CDYL2: variants seen among roughly 807,000 people sequenced by gnomAD.
The protein encoded by CDYL2 is chromodomain Y like 2, also known as chromodomain Y-like protein 2.
CDYL2 carries 23 observed loss-of-function variants against 49.4 expected under a neutral mutation model. The observed-to-expected ratio is 0.47, with a 90% CI of 0.34 to 0.66. The LOEUF (loss-of-function observed/expected upper bound fraction) is 0.66. Ranked by LOEUF, CDYL2 falls within the 30% of genes least tolerant of loss-of-function variation. The probability of loss-of-function intolerance (pLI) is 0.01; values close to 1 mark genes in which losing one functional copy is unlikely to be tolerated. For synonymous variants in CDYL2, 360 were observed against 268.8 expected (o/e 1.34, Z -3.32); for missense variants, 678 against 656.4 (o/e 1.03, Z -0.36).
chr16:80,669,823 G>A (rs1909425091), intron 2 of CDYL2, among the ~76,000 whole-genome samples: 1 of 152,196 alleles, frequency 6.6e-6, no homozygotes, highest in Non-Finnish European at 1.5e-5. Flanking sequence ...CTGCACACAT[G>A]GGCTGTGGTG....
intron 1 of CDYL2, among the ~76,000 whole-genome samples, chr16:80,708,774 G>A (rs1489878332): frequency 2.0e-5 from 3 of 152,060 alleles, no homozygotes; most frequent in Non-Finnish European, 4.4e-5. Flanking sequence ...CTTATATGTA[G>A]AAAGTACTAG....
intron 2 of CDYL2, among the ~76,000 whole-genome samples, chr16:80,650,887 G>C (rs1908553868): frequency 6.8e-6 from 1 of 147,762 alleles, no homozygotes; most frequent in African/African-American, 2.5e-5. Flanking sequence ...GGCATTACCT[G>C]ATTTCACTTA....
rs756881257 is a variant in CDYL2, at chr16:80,633,198, G to C, written c.655C>G (p.Pro219Ala). 2.5e-6 allele frequency: 4 copies of C among 1,614,140 alleles called. No homozygotes were observed. The Admixed American group carries it at 6.7e-5, about 27-fold the overall frequency. ...LTNGGLNLHS[P>A]VKRKLEAEKD... ...TCCGCTTCCAGCTTCCTCTTCACTGGACTGTGCAGGTTCAATCCCCCGTTG... is the reference window on the plus strand; with the variant it reads ...TCCGCTTCCAGCTTCCTCTTCACTGCACTGTGCAGGTTCAATCCCCCGTTG... Residue 219 changes from proline to alanine, a missense_variant, in exon 3 of 7, where the codon CCA (proline) becomes GCA (alanine). Pro to Ala is a conservative substitution (Grantham distance 27). Coordinates refer to ENST00000570137, the MANE Select transcript of CDYL2 (RefSeq NM_152342.4).
chr16:80,804,046 CG>C, intron 1 of CDYL2, 103 bp downstream of exon 1: 1 of 855,854 alleles, frequency 1.2e-6, no homozygotes, highest in Non-Finnish European at 1.4e-6. Context: ...TCGGCAACTC[CG>C]GATTGCGCCC....
At position 80,801,245 on chromosome 16, in the gene CDYL2, G is replaced by C. The variant is rs140998695; in HGVS notation, c.24+2905C>G. Among the ~76,000 whole-genome samples the C allele has an allele frequency of 5.7e-3, 869 of 152,304 alleles. 6 individuals carry two copies. Among genetic ancestry groups the C allele is most frequent in the African/African-American group, 0.02 (822 of 41,560 alleles). ...GCTACAATGCACCAGAAGATGATGA[G>C]AACTCCACTACAGGAGAAACAAACC... On this transcript the variant is annotated intron_variant, in intron 1 of 6. Transcript: ENST00000570137.
intron 1 of CDYL2, among the ~76,000 whole-genome samples, chr16:80,763,358 C>G (rs370933191): frequency 1.3e-5 from 2 of 149,112 alleles, no homozygotes; most frequent in Middle Eastern, 3.5e-3. Flanking sequence ...CACCTGTAAT[C>G]CCAGCACTTT....
chr16:80,715,341 T>C (rs1016512032), intron 1 of CDYL2, among the ~76,000 whole-genome samples: 1 of 152,188 alleles, frequency 6.6e-6, no homozygotes, highest in Non-Finnish European at 1.5e-5. Flanking sequence ...GATTGAGGGC[T>C]CTGGAAGACC....
rs145875362 is a variant in CDYL2, at chr16:80,764,105, A to T, written c.24+40045T>A. On this transcript the variant is annotated intron_variant, in intron 1 of 6. Transcript: ENST00000570137. ...GGTATGATTTAATATGTTAAAAGAC[A>T]ACAGAATTGTGGTAAAGATAAGCAT... 4.9e-3 allele frequency among the ~76,000 whole-genome samples: 745 copies of T among 152,352 alleles called. 4 individuals carry two copies. Among genetic ancestry groups the T allele is most frequent in the African/African-American group, 0.017 (706 of 41,590 alleles).
intron 1 of CDYL2, among the ~76,000 whole-genome samples, chr16:80,773,451 T>C (rs1249764602): frequency 6.6e-6 from 1 of 152,092 alleles, no homozygotes; most frequent in Non-Finnish European, 1.5e-5. Context: ...AGGTTAAATA[T>C]CTGAATACAC....
At chr16:80,610,760 C>T (rs1166157239) in intron 5 of CDYL2, among the ~76,000 whole-genome samples, 1 of 152,158 alleles carries the variant, frequency 6.6e-6, no homozygotes, top group Non-Finnish European at 1.5e-5. Flanking sequence ...GGAGCCAGCA[C>T]TCGGCTTTTT....
chr16:80,608,188 G>C lies in CDYL2; in HGVS notation c.1266C>G (p.Ala422=). The change falls in exon 6 of 7, where the codon GCC becomes GCG. Residue 422 remains alanine, a synonymous_variant. Transcript: ENST00000570137. ...CCTGCGACACCAGCCCCCTGCTGCAGGCCTCCTGGGCGGTGAGCTTCCGCC... is the reference window on the plus strand; with the variant it reads ...CCTGCGACACCAGCCCCCTGCTGCACGCCTCCTGGGCGGTGAGCTTCCGCC... ...FCGRKLTAQE[A]CSRGLVSQVF... 6.3e-7 allele frequency: 1 copy of C among 1,598,628 alleles called. No homozygotes were observed. The highest frequency in any genetic ancestry group is 8.5e-7 in the Non-Finnish European group (1 of 1,172,452).
chr16:80,618,681 C>T (rs1597126899), intron 4 of CDYL2, among the ~76,000 whole-genome samples: 1 of 152,176 alleles, frequency 6.6e-6, no homozygotes, highest in African/African-American at 2.4e-5. Flanking sequence ...CAGGCTGGGA[C>T]AAGCCTCATC....
At chr16:80,668,872 C>T (rs944139584) in intron 2 of CDYL2, among the ~76,000 whole-genome samples, 1 of 152,000 alleles carries the variant, frequency 6.6e-6, no homozygotes, top group Non-Finnish European at 1.5e-5. Context: ...GCACTCCAAC[C>T]TGGGCGACAG....
chr16:80,646,774 T>C (rs4344764), intron 2 of CDYL2, among the ~76,000 whole-genome samples: 77,991 of 151,428 alleles, frequency 0.52, 22,052 homozygotes, highest in African/African-American at 0.74. Context: ...GGAGACAGAG[T>C]GAGACTCTGT....
At chr16:80,605,515 CAAT>C (rs1906292828) in intron 6 of CDYL2, among the ~76,000 whole-genome samples, 1 of 149,392 alleles carries the variant, frequency 6.7e-6, no homozygotes, top group Non-Finnish European at 1.5e-5. Flanking sequence ...CAACAAAGAG[CAAT>C]AATCATAGTA....
At chr16:80,795,901 AGAG>A (rs1260148266) in intron 1 of CDYL2, among the ~76,000 whole-genome samples, 2 of 152,262 alleles carry the variant, frequency 1.3e-5, no homozygotes, top group Non-Finnish European at 2.9e-5. Flanking sequence ...AAACAGAAGA[AGAG>A]TTTTCAAAAA....
At chr16:80,785,055 G>A (rs1597132713) in intron 1 of CDYL2, among the ~76,000 whole-genome samples, 1 of 152,260 alleles carries the variant, frequency 6.6e-6, no homozygotes, top group South Asian at 2.1e-4. Context: ...GGTAGGCAAG[G>A]GCAAGATCAT....
At chr16:80,669,610 G>A (rs1909414254) in intron 2 of CDYL2, among the ~76,000 whole-genome samples, 1 of 152,152 alleles carries the variant, frequency 6.6e-6, no homozygotes, top group Non-Finnish European at 1.5e-5. Context: ...AGAATTGGGA[G>A]CTAGGACATC....
At chr16:80,610,810 G>A (rs1388896399) in intron 5 of CDYL2, among the ~76,000 whole-genome samples, 1 of 152,186 alleles carries the variant, frequency 6.6e-6, no homozygotes, top group East Asian at 1.9e-4. Context: ...CCTAAGGGGT[G>A]CTTCTCTGGC....
Sources: allele counts gnomAD v4.1 joint callset (sites outside exome capture counted in the v4.1 genomes callset), GRCh38; gene constraint gnomAD v4.1.1; transcripts MANE v1.5; gene names NCBI Gene and HGNC (gene_info 2026-07-23, HGNC 2026-07-21).